SLC11A2: variants seen among roughly 807,000 people sequenced by gnomAD.
The protein encoded by SLC11A2 is solute carrier family 11 member 2.
SLC11A2 carries 38 observed loss-of-function variants against 68.0 expected under a neutral mutation model. The ratio of observed to expected loss-of-function variants is 0.56; its 90% CI spans 0.43 to 0.73. SLC11A2 has a LOEUF of 0.73. SLC11A2 is among the 30% of genes least tolerant of loss of function. The pLI is 0.00. For missense variants in SLC11A2, 517 were observed against 690.5 expected, an observed-to-expected ratio of 0.75 and a Z score of 2.82; for synonymous variants, 242 against 250.6, an observed-to-expected ratio of 0.97 and a Z score of 0.32.
intron 1 of SLC11A2, among the ~76,000 whole-genome samples, chr12:51,015,519 G>A (rs1592430400): frequency 6.6e-6 from 1 of 151,622 alleles, no homozygotes; most frequent in Non-Finnish European, 1.5e-5. Flanking sequence ...AAAAACTAGG[G>A]AGGAATAGAA....
chr12:50,987,033 T>A lies in SLC11A2; in HGVS notation c.*1292A>T, dbSNP rs996505421. ...GATTATTTATCTCCATCAAAGTGAT[T>A]TGATTTGAGATAATCACACAATCTC... On this transcript the variant is annotated 3_prime_UTR_variant, in exon 16 of 16. Coordinates refer to ENST00000262052, the MANE Select transcript of SLC11A2 (RefSeq NM_000617.3). 1 of 1,286,130 alleles carries A rather than the reference T, an allele frequency of 7.8e-7. No homozygotes were observed. The highest frequency in any genetic ancestry group is 1.5e-5 in the African/African-American group (1 of 65,762). 79.7% of individuals were successfully genotyped at this position (1,286,130 alleles called of 1,614,324 possible).
the SLC11A2 span, among the ~76,000 whole-genome samples, chr12:50,962,250 C>T: frequency 6.6e-6 from 1 of 151,544 alleles, no homozygotes; most frequent in African/African-American, 2.4e-5. Flanking sequence ...CACACACACA[C>T]ACACACAAAA....
chr12:51,010,669 G>A (rs1176426023), intron 2 of SLC11A2, 26 bp downstream of exon 2: 1 of 1,298,778 alleles, frequency 7.7e-7, no homozygotes. Flanking sequence ...AATAAAATTA[G>A]ACAATAACAC....
the SLC11A2 span, chr12:50,970,451 A>G: frequency 6.7e-7 from 1 of 1,492,726 alleles, no homozygotes; most frequent in Admixed American, 2.0e-5. Flanking sequence ...GGTGTTCTCT[A>G]TTCTATGTAT....
Position 51,013,891 on chromosome 12 carries a change from G to A in SLC11A2, c.-38-3125C>T, listed in dbSNP as rs540299823. 2.8e-3 allele frequency among the ~76,000 whole-genome samples: 427 copies of A among 151,910 alleles called. 2 individuals carry two copies. The highest frequency in any genetic ancestry group is 5.3e-3 in the Non-Finnish European group (358 of 67,924). On this transcript the variant is annotated intron_variant, in intron 1 of 15. Coordinates refer to ENST00000262052, the MANE Select transcript of SLC11A2 (RefSeq NM_000617.3). ...GGCTGGAGTGTAGTGGTGCGATCTT[G>A]GCTCACTGCAACCTCCGCCTCCCGG...
At position 50,990,946 on chromosome 12, in the gene SLC11A2, C is replaced by A. The variant is rs2136182869; in HGVS notation, c.1424G>T (p.Gly475Val). ...PVMSDFANGL[G>V]WRIAGGILVL... is the part of the protein sequence containing the mutation. Reference sequence around the variant, plus strand: ...CAAGATTCCTCCTGCAATCCGCCAGCCTCTGTAAAAGAAATCAGCACAGTC... The same window carrying A: ...CAAGATTCCTCCTGCAATCCGCCAGACTCTGTAAAAGAAATCAGCACAGTC... Residue 475 changes from glycine (G) to valine (V), a missense_variant and splice_region_variant, in exon 15 of 16, where the codon GGC becomes GTC. Transcript: ENST00000262052. 6.2e-7 allele frequency: 1 copy of A among 1,613,940 alleles called. No individual in the cohort carries two copies. Among genetic ancestry groups the A allele is most frequent in the Non-Finnish European group, 8.5e-7 (1 of 1,179,892 alleles).
At chr12:50,991,521 G>A (rs1323639685) in intron 14 of SLC11A2, 78 bp downstream of exon 14, 15 of 1,107,806 alleles carry the variant, frequency 1.4e-5, no homozygotes, top group South Asian at 3.9e-5. Flanking sequence ...TGTGTCTCAC[G>A]TCTGACTGGC....
the SLC11A2 span, among the ~76,000 whole-genome samples, chr12:50,971,380 G>A: frequency 8.1e-5 from 12 of 147,390 alleles, no homozygotes; most frequent in Non-Finnish European, 1.2e-4. Flanking sequence ...CTATTTTACC[G>A]CAAACACATG....
downstream of SLC11A2, among the ~76,000 whole-genome samples, chr12:50,982,452 C>T (rs1356059058): frequency 6.6e-6 from 1 of 152,028 alleles, no homozygotes; most frequent in African/African-American, 2.4e-5. Context: ...GATGAAACTC[C>T]GTCTCTACTA....
chr12:50,988,453 G>T lies in SLC11A2; in HGVS notation c.1576-18C>A. On this transcript the variant is annotated intron_variant, in intron 15 of 15. Transcript: ENST00000262052. Reference sequence around the variant, plus strand: ...TGCCAACCCTGAAAGACAAAATATGGTCATCACTCACCAGGCTCTTTGAAG... The same window carrying T: ...TGCCAACCCTGAAAGACAAAATATGTTCATCACTCACCAGGCTCTTTGAAG... The T allele has an allele frequency of 1.2e-6, 2 of 1,613,582 alleles. No individual in the cohort carries two copies. Among genetic ancestry groups the T allele is most frequent in the Non-Finnish European group, 1.7e-6 (2 of 1,179,714 alleles).
chr12:51,014,623 G>C (rs904697018), intron 1 of SLC11A2, among the ~76,000 whole-genome samples: 2 of 152,082 alleles, frequency 1.3e-5, no homozygotes, highest in African/African-American at 4.8e-5. Flanking sequence ...AGGCTGAAGT[G>C]GGCGGATCAC....
intron 9 of SLC11A2, 64 bp downstream of exon 9, chr12:50,996,753 T>A (rs1941736825): frequency 6.6e-7 from 1 of 1,518,112 alleles, no homozygotes; most frequent in African/African-American, 1.4e-5. Context: ...TTGTGTCCCT[T>A]GCAATTGAAG....
the SLC11A2 span, among the ~76,000 whole-genome samples, chr12:50,954,576 C>T: frequency 1.8e-4 from 27 of 152,080 alleles, no homozygotes; most frequent in Non-Finnish European, 3.2e-4. Flanking sequence ...ACTTCTGCTT[C>T]TAGGCCGGGC....
At chr12:51,003,589 AT>A (rs1704073417) in intron 5 of SLC11A2, among the ~76,000 whole-genome samples, 2 of 149,532 alleles carry the variant, frequency 1.3e-5, no homozygotes, top group Admixed American at 6.7e-5. Flanking sequence ...ACAAATATAT[AT>A]ATATATAATT....
chr12:50,956,894 A>G, the SLC11A2 span, among the ~76,000 whole-genome samples: 17 of 152,216 alleles, frequency 1.1e-4, no homozygotes, highest in Admixed American at 3.9e-4. Context: ...CATTTGTTAT[A>G]TATTTCCAGA....
At chr12:50,954,882 G>A in the SLC11A2 span, among the ~76,000 whole-genome samples, 1 of 152,198 alleles carries the variant, frequency 6.6e-6, no homozygotes, top group East Asian at 1.9e-4. Flanking sequence ...CTGAACACTT[G>A]TGAGCATGAA....
At chr12:50,954,088 T>C in the SLC11A2 span, 1 of 1,594,842 alleles carries the variant, frequency 6.3e-7, no homozygotes, top group Non-Finnish European at 8.6e-7. Context: ...CCTTTGTCCC[T>C]ATAGGTAAGT....
chr12:50,992,131 AG>A, intron 13 of SLC11A2, 58 bp downstream of exon 13: 1 of 1,561,338 alleles, frequency 6.4e-7, no homozygotes, highest in Non-Finnish European at 8.8e-7. Flanking sequence ...TTGGTACCCA[AG>A]GGCAGTACAT....
chr12:50,955,526 C>G, the SLC11A2 span, among the ~76,000 whole-genome samples: 2 of 152,174 alleles, frequency 1.3e-5, no homozygotes, highest in Non-Finnish European at 2.9e-5. Flanking sequence ...TTACTTAAAT[C>G]AGACTGACAT....
Sources: allele counts gnomAD v4.1 joint callset (sites outside exome capture counted in the v4.1 genomes callset), GRCh38; gene constraint gnomAD v4.1.1; transcripts MANE v1.5; gene names NCBI Gene and HGNC (gene_info 2026-07-23, HGNC 2026-07-21).